Variants in ZMAT4 observed in about 807,000 individuals in gnomAD.
ZMAT4 encodes zinc finger matrin-type protein 4.
ZMAT4 carries 17 observed loss-of-function variants against 28.7 expected under a neutral mutation model. That is an observed-to-expected ratio of 0.59 (90% confidence interval 0.41 to 0.89). The LOEUF (loss-of-function observed/expected upper bound fraction) is 0.89, where lower values mean the gene tolerates loss of function less well. ZMAT4 is among the 40% of genes least tolerant of loss of function. The pLI, the probability that ZMAT4 is intolerant of heterozygous loss-of-function variation, is 0.00. For synonymous variants in ZMAT4, 117 were observed against 109.2 expected, an observed-to-expected ratio of 1.07 and a Z score of -0.44; for missense variants, 240 against 283.8, an observed-to-expected ratio of 0.85 and a Z score of 1.11.
At chr8:40,579,295 T>A (rs895141844) in intron 6 of ZMAT4, among the ~76,000 whole-genome samples, 4 of 152,206 alleles carry the variant, frequency 2.6e-5, no homozygotes, top group Admixed American at 1.3e-4. Flanking sequence ...CAAAAAGTTA[T>A]CTTTTATTGT....
chr8:40,767,558 C>T lies in ZMAT4; in HGVS notation c.192+83G>A, dbSNP rs112153477. ...CACTCAGCTTTTCTATGAATCTGGA[C>T]TAGACTACAATTCCTACACCTGCAA... On this transcript the variant is annotated intron_variant, in intron 3 of 6. Coordinates refer to ENST00000297737, the MANE Select transcript of ZMAT4 (RefSeq NM_024645.3). The T allele has an allele frequency of 2.4e-3, 2,789 of 1,141,280 alleles. 49 individuals are homozygous for T. The African/African-American group carries it at 0.038, about 16-fold the overall frequency. 70.7% of individuals were successfully genotyped at this position (1,141,280 alleles called of 1,614,324 possible). A position where few individuals can be genotyped will look rare whatever the true frequency, so the allele number is the denominator to read the frequency against.
chr8:40,608,007 G>A (rs1001765707), intron 5 of ZMAT4, among the ~76,000 whole-genome samples: 4 of 152,090 alleles, frequency 2.6e-5, no homozygotes, highest in Non-Finnish European at 5.9e-5. Context: ...ATGTTGGTTG[G>A]CCTTCAGCCA....
At chr8:40,863,755 G>A (rs1490863329) in intron 1 of ZMAT4, among the ~76,000 whole-genome samples, 1 of 152,114 alleles carries the variant, frequency 6.6e-6, no homozygotes, top group East Asian at 1.9e-4. Flanking sequence ...AAATTAATTA[G>A]AATAGTTAAC....
intron 1 of ZMAT4, among the ~76,000 whole-genome samples, chr8:40,852,572 T>C (rs1407381073): frequency 6.6e-6 from 1 of 152,174 alleles, no homozygotes; most frequent in Non-Finnish European, 1.5e-5. Flanking sequence ...GTTATGAATG[T>C]TTTTTGTTTG....
intron 1 of ZMAT4, among the ~76,000 whole-genome samples, chr8:40,881,942 A>T (rs1298065490): frequency 6.6e-6 from 1 of 152,114 alleles, no homozygotes; most frequent in Non-Finnish European, 1.5e-5. Flanking sequence ...GCGCAGAATC[A>T]CCTGGAAGGA....
chr8:40,767,990 TA>T (rs1813234199), intron 2 of ZMAT4, among the ~76,000 whole-genome samples: 1 of 152,156 alleles, frequency 6.6e-6, no homozygotes, highest in South Asian at 2.1e-4. Context: ...CTAGGGTGGA[TA>T]ATATACTATA....
At position 40,551,409 on chromosome 8, in the gene ZMAT4, T is replaced by A. The variant is rs1803365537; in HGVS notation, c.675-19171A>T. On this transcript the variant is annotated intron_variant, in intron 6 of 6. Coordinates refer to ENST00000297737, the MANE Select transcript of ZMAT4 (RefSeq NM_024645.3). ...GATATCACGTTGTTCTATTAAACTT[T>A]CAATTAAATATATCATCATCAATCA... Among the ~76,000 whole-genome samples, 3 of 152,192 alleles carry A rather than the reference T, an allele frequency of 2.0e-5. No individual in the cohort carries two copies. In the South Asian group the frequency reaches 6.2e-4, roughly 32 times the overall value.
chr8:40,698,069 TG>T (rs955838018), intron 3 of ZMAT4, among the ~76,000 whole-genome samples: 7 of 152,194 alleles, frequency 4.6e-5, no homozygotes, highest in Non-Finnish European at 7.4e-5. Context: ...ATGGCCATGA[TG>T]TTCAAGATTT....
At chr8:40,838,501 C>G (rs1317558121) in intron 1 of ZMAT4, among the ~76,000 whole-genome samples, 3 of 152,152 alleles carry the variant, frequency 2.0e-5, no homozygotes, top group Admixed American at 6.5e-5. Context: ...TGCCACCATG[C>G]CCAGCTAACT....
intron 1 of ZMAT4, among the ~76,000 whole-genome samples, chr8:40,859,797 G>GA (rs139751403): frequency 1.3e-4 from 19 of 148,758 alleles, no homozygotes; most frequent in East Asian, 7.9e-4. Flanking sequence ...GGGGTGAGTG[G>GA]AAAAAAAAAA....
intron 5 of ZMAT4, among the ~76,000 whole-genome samples, chr8:40,617,798 T>A (rs1354941117): frequency 1.3e-5 from 2 of 152,140 alleles, no homozygotes; most frequent in Non-Finnish European, 2.9e-5. Flanking sequence ...AAGGGCAAGA[T>A]GATGTACAAT....
intron 1 of ZMAT4, among the ~76,000 whole-genome samples, chr8:40,877,544 C>T (rs1818082272): frequency 6.6e-6 from 1 of 152,200 alleles, no homozygotes; most frequent in African/African-American, 2.4e-5. Context: ...TTAGGCAAGT[C>T]ATTTTGTTCT....
chr8:40,760,924 C>T (rs954654457), intron 3 of ZMAT4, among the ~76,000 whole-genome samples: 6 of 152,036 alleles, frequency 3.9e-5, no homozygotes, highest in African/African-American at 1.4e-4. Context: ...CATGTGGTTT[C>T]CTAAAAATGA....
chr8:40,645,914 A>T (rs1173567703), intron 5 of ZMAT4, among the ~76,000 whole-genome samples: 1 of 152,134 alleles, frequency 6.6e-6, no homozygotes, highest in Non-Finnish European at 1.5e-5. Context: ...CAACAAAGTG[A>T]TACACAGATA....
intron 5 of ZMAT4, among the ~76,000 whole-genome samples, chr8:40,614,089 C>T (rs1004381827): frequency 6.6e-6 from 1 of 152,172 alleles, no homozygotes; most frequent in East Asian, 1.9e-4. Flanking sequence ...GTAGCCAGCA[C>T]AGTCATGGGT....
At chr8:40,850,510 GC>G (rs1032165284) in intron 1 of ZMAT4, among the ~76,000 whole-genome samples, 7 of 152,068 alleles carry the variant, frequency 4.6e-5, no homozygotes, top group Non-Finnish European at 1.0e-4. Context: ...TCTAACTTCC[GC>G]CCCCCAAAAT....
At chr8:40,792,309 G>A (rs1374845465) in intron 2 of ZMAT4, among the ~76,000 whole-genome samples, 2 of 151,264 alleles carry the variant, frequency 1.3e-5, no homozygotes, top group African/African-American at 2.4e-5. Context: ...TTTTAAAAAG[G>A]AGACTATAAA....
intron 2 of ZMAT4, among the ~76,000 whole-genome samples, chr8:40,778,011 C>T (rs756042588): frequency 6.6e-6 from 1 of 152,188 alleles, no homozygotes; most frequent in African/African-American, 2.4e-5. Context: ...ATATTCTGCA[C>T]AGGGCTGTTG....
At chr8:40,540,796 C>T (rs550952027) in intron 6 of ZMAT4, among the ~76,000 whole-genome samples, 21 of 152,248 alleles carry the variant, frequency 1.4e-4, no homozygotes, top group Admixed American at 1.2e-3. Flanking sequence ...TGCAATATTG[C>T]AGTAGCAAAC....
Sources: allele counts gnomAD v4.1 joint callset (sites outside exome capture counted in the v4.1 genomes callset), GRCh38; gene constraint gnomAD v4.1.1; transcripts MANE v1.5; gene names NCBI Gene and HGNC (gene_info 2026-07-23, HGNC 2026-07-21).